URB1: variants seen among roughly 807,000 people sequenced by gnomAD.
The protein encoded by URB1 is nucleolar pre-ribosomal-associated protein 1.
URB1 carries 197 observed loss-of-function variants against 242.3 expected under a neutral mutation model. The observed-to-expected ratio is 0.81, with a 90% CI of 0.72 to 0.91. The LOEUF is 0.91. Ranked by LOEUF, URB1 falls within the 40% of genes least tolerant of loss-of-function variation. The pLI is 0.00. For synonymous variants in URB1, 1,153 were observed against 1,201.8 expected (o/e 0.96, Z 0.84); for missense variants, 2,721 against 2,860.5 (o/e 0.95, Z 1.11).
chr21:32,327,692 C>A (rs377224419), intron 30 of URB1, among the ~76,000 whole-genome samples: 1 of 152,160 alleles, frequency 6.6e-6, no homozygotes, highest in Non-Finnish European at 1.5e-5. Flanking sequence ...TTATAGCATA[C>A]TGAAATGTAA....
At chr21:32,370,832 T>C (rs1601151731) in intron 8 of URB1, among the ~76,000 whole-genome samples, 5 of 152,210 alleles carry the variant, frequency 3.3e-5, no homozygotes, top group Admixed American at 3.3e-4. Context: ...AAGCCCAAAA[T>C]ACAATCTGGC....
chr21:32,375,449 C>T lies in URB1; in HGVS notation c.699G>A (p.Lys233=). 1 of 1,539,284 alleles carries T rather than the reference C, an allele frequency of 6.5e-7. No individual in the cohort carries two copies. The highest frequency in any genetic ancestry group is 2.5e-5 in the East Asian group (1 of 40,478). Residue 233 remains lysine, a synonymous_variant, in exon 6 of 39, where the codon AAG becomes AAA. Coordinates refer to ENST00000382751, the MANE Select transcript of URB1 (RefSeq NM_014825.3). ...TATTGATGGTAGAGATCCTATCTTC[C>T]TTTATCCCTGAGCTAAAAATGCAAG... ...FIPCIFSSGI[K]EDRISTINIL... is the part of the protein sequence containing the mutation.
rs1568804838 is a variant in URB1, at chr21:32,314,868, C to T, written c.*50G>A. 3.9e-6 allele frequency: 6 copies of T among 1,527,980 alleles called. No homozygotes were observed. The highest frequency in any genetic ancestry group is 5.3e-6 in the Non-Finnish European group (6 of 1,134,182). 94.7% of individuals were successfully genotyped at this position (1,527,980 alleles called of 1,614,324 possible). A position where few individuals can be genotyped will look rare whatever the true frequency, so the allele number is the denominator to read the frequency against. On this transcript the variant is annotated 3_prime_UTR_variant, in exon 39 of 39. Coordinates refer to ENST00000382751, the MANE Select transcript of URB1 (RefSeq NM_014825.3). ...TCAACCAAACTTCTAGAAGCTGGTG[C>T]TGTGCTCGAGGCTCTGGTCATCAGG...
At chr21:32,381,719 A>C (rs984702144) in intron 4 of URB1, among the ~76,000 whole-genome samples, 5 of 152,224 alleles carry the variant, frequency 3.3e-5, no homozygotes, top group African/African-American at 1.2e-4. Flanking sequence ...TGTTCTTTAA[A>C]AGGTCTTTTT....
rs2033190441 is a variant in URB1 at position 32,354,060 on chromosome 21, G to A, written c.2289C>T (p.Gly763=). The change falls in exon 18 of 39, where the codon GGC becomes GGT. Residue 763 remains glycine, a synonymous_variant. Transcript: ENST00000382751. ...ACGTGAACCCTATTTCCTCATCCAA[G>A]CCTTCACTGCCCTCCACCAGGACAT... The part of the protein sequence containing the change: ...MVDVLVEGSE[G]LDEEIGFTLS... 4.5e-6 allele frequency: 7 copies of A among 1,551,724 alleles called. No individual in the cohort carries two copies. The highest frequency in any genetic ancestry group is 3.5e-6 in the Non-Finnish European group (4 of 1,146,998).
chr21:32,315,314 TAAAA>T (rs66474832), intron 38 of URB1, among the ~76,000 whole-genome samples: 4 of 136,450 alleles, frequency 2.9e-5, no homozygotes, highest in South Asian at 4.7e-4. Context: ...TTCTTTTCTT[TAAAA>T]AAAAAAAAAA....
chr21:32,342,579 T>C (rs2033042134), intron 24 of URB1, among the ~76,000 whole-genome samples: 1 of 152,090 alleles, frequency 6.6e-6, no homozygotes, highest in Non-Finnish European at 1.5e-5. Context: ...CACAGGAGTT[T>C]TGACCTGTTC....
At chr21:32,392,697 G>A (rs1020232868) in intron 1 of URB1, 72 bp downstream of exon 1, 1 of 1,357,290 alleles carries the variant, frequency 7.4e-7, no homozygotes, top group Non-Finnish European at 9.5e-7. Flanking sequence ...GAAAGGAGAG[G>A]CTGTGCCCGG....
chr21:32,391,411 T>G (rs1243747812), intron 1 of URB1, among the ~76,000 whole-genome samples: 1 of 152,000 alleles, frequency 6.6e-6, no homozygotes, highest in East Asian at 1.9e-4. Context: ...AGGGGAGCCT[T>G]CTTTGAGCTC....
At chr21:32,356,341 G>A (rs1285987236) in intron 15 of URB1, among the ~76,000 whole-genome samples, 6 of 152,192 alleles carry the variant, frequency 3.9e-5, no homozygotes, top group African/African-American at 1.4e-4. Context: ...GCAGTGAACC[G>A]TGATTGTAGC....
At chr21:32,339,812 G>A (rs904253530) in intron 25 of URB1, among the ~76,000 whole-genome samples, 1 of 151,712 alleles carries the variant, frequency 6.6e-6, no homozygotes, top group Non-Finnish European at 1.5e-5. Context: ...TTTTCTTTAT[G>A]ACTCAAACAC....
chr21:32,374,136 T>C (rs573298852), intron 6 of URB1, among the ~76,000 whole-genome samples: 1 of 152,340 alleles, frequency 6.6e-6, no homozygotes, highest in East Asian at 1.9e-4. Flanking sequence ...GGGGGCTAAA[T>C]ACCATTCTAT....
At chr21:32,337,326 C>G in intron 27 of URB1, 78 bp downstream of exon 27, 1 of 1,414,410 alleles carries the variant, frequency 7.1e-7, no homozygotes, top group African/African-American at 1.4e-5. Context: ...CCCTCCAGCT[C>G]TCATTCCCTA....
intron 25 of URB1, 21 bp from the exon 26 acceptor site, chr21:32,338,921 G>T: frequency 6.6e-7 from 1 of 1,504,136 alleles, no homozygotes; most frequent in South Asian, 1.3e-5. Flanking sequence ...AGAGTCAAAG[G>T]GAAAAGAGCT....
chr21:32,332,569 C>CAAA lies in URB1; in HGVS notation c.4960+745_4960+747dup, dbSNP rs370649839. 5.5e-3 allele frequency among the ~76,000 whole-genome samples: 10 copies of CAAA among 1,824 alleles called. 4 individuals carry two copies. The highest frequency in any genetic ancestry group is 0.022 in the African/African-American group (10 of 454). The allele number at this position is 1,824 out of a possible 152,430, so 1.2% of individuals were successfully genotyped here. A position where few individuals can be genotyped will look rare whatever the true frequency, so the allele number is the denominator to read the frequency against. On this transcript the variant is annotated intron_variant, in intron 30 of 38. Coordinates refer to ENST00000382751, the MANE Select transcript of URB1 (RefSeq NM_014825.3). Reference sequence around the variant, plus strand: ...AAACTCAAGTTAAAAAAACAAAAGACAAAAAAAAAAAAAAATCCCCAAACT... The same window carrying CAAA: ...AAACTCAAGTTAAAAAAACAAAAGACAAAAAAAAAAAAAAAAAATCCCCAAACT...
rs374184010 is a variant in URB1 at position 32,321,828 on chromosome 21, G to A, written c.5457C>T (p.His1819=). The A allele has an allele frequency of 2.6e-6, 4 of 1,551,628 alleles. No homozygotes were observed. The highest frequency in any genetic ancestry group is 1.7e-6 in the Non-Finnish European group (2 of 1,147,012). ...GTGCTGCCTCGTCACACAGCGGGCT[G>A]TGGAAGAAGGACAGGATGATGTGGA... is the stretch of plus-strand genomic sequence containing the variant. ...GIFHIILSFF[H]SPLCDEAAQN... Residue 1819 remains histidine (H), a synonymous_variant, in exon 34 of 39, where the codon CAC becomes CAT. Transcript: ENST00000382751.
Position 32,346,960 on chromosome 21 carries a change from T to TG in URB1, c.3863dup (p.Gly1289ArgfsTer24). On this transcript the variant is annotated frameshift_variant, in exon 22 of 39. Coordinates refer to ENST00000382751, the MANE Select transcript of URB1 (RefSeq NM_014825.3). LOFTEE classifies it high-confidence loss of function. ...CAAAGCTAGCCTTTCCCTTACCTCC[T>TG]GCTGGGCGTGTGAAGTGGCTCCGTG... is the stretch of plus-strand genomic sequence containing the variant. The TG allele has an allele frequency of 6.6e-7, 1 of 1,509,530 alleles. No homozygotes were observed. The highest frequency in any genetic ancestry group is 2.5e-5 in the East Asian group (1 of 40,144). The allele number at this position is 1,509,530 out of a possible 1,614,324, so 93.5% of individuals were successfully genotyped here.
intron 16 of URB1, among the ~76,000 whole-genome samples, chr21:32,355,198 T>C (rs2033205289): frequency 6.6e-6 from 1 of 152,242 alleles, no homozygotes. Context: ...CTGCTTTTAA[T>C]ACCACTTTTG....
Position 32,322,683 on chromosome 21 carries a change from A to AT in URB1, c.5234-100dup, listed in dbSNP as rs1215552330. 3 of 847,802 alleles carry AT rather than the reference A, an allele frequency of 3.5e-6. No homozygotes were observed. The African/African-American group carries it at 5.0e-5, about 14-fold the overall frequency. The allele number at this position is 847,802 out of a possible 1,614,324, so 52.5% of individuals were successfully genotyped here. ...CAGGCATTCTGGGTATCAGACATAA[A>AT]TCCCCTCCCAGGAACTTTTGTGTCC... is the stretch of plus-strand genomic sequence containing the variant. On this transcript the variant is annotated intron_variant, in intron 32 of 38. Transcript: ENST00000382751.
Sources: allele counts gnomAD v4.1 joint callset (sites outside exome capture counted in the v4.1 genomes callset), GRCh38; gene constraint gnomAD v4.1.1; transcripts MANE v1.5; gene names NCBI Gene and HGNC (gene_info 2026-07-23, HGNC 2026-07-21).